PIK3R4: variants seen among roughly 807,000 people sequenced by gnomAD.
The protein encoded by PIK3R4 is phosphoinositide-3-kinase regulatory subunit 4, also known as phosphoinositide 3-kinase regulatory subunit 4.
A neutral mutation model predicts 136.5 loss-of-function variants in PIK3R4; 46 were observed. That is an observed-to-expected ratio of 0.34 (90% CI 0.27 to 0.43). The LOEUF (loss-of-function observed/expected upper bound fraction) is 0.43, where lower values mean the gene tolerates loss of function less well. Ranked by LOEUF, PIK3R4 falls within the 20% of genes least tolerant of loss-of-function variation. PIK3R4 has a pLI of 1.00. For synonymous variants in PIK3R4, 557 were observed against 566.7 expected (o/e 0.98, Z 0.24); for missense variants, 1,331 against 1,649.5 (o/e 0.81, Z 3.35).
intron 2 of PIK3R4, among the ~76,000 whole-genome samples, 171 bp from the exon 3 acceptor site, chr3:130,736,173 A>G (rs1199753228): frequency 6.6e-6 from 1 of 152,336 alleles, no homozygotes. Flanking sequence ...GAAAATGTCT[A>G]TTACCCGAAC....
At chr3:130,694,950 T>C (rs887769968) in intron 13 of PIK3R4, among the ~76,000 whole-genome samples, 8 of 152,280 alleles carry the variant, frequency 5.3e-5, no homozygotes, top group Non-Finnish European at 1.0e-4. Context: ...TCATTTTCTA[T>C]TACTAACTGG....
At chr3:130,685,139 G>A (rs1469239916) in intron 15 of PIK3R4, among the ~76,000 whole-genome samples, 1 of 152,134 alleles carries the variant, frequency 6.6e-6, no homozygotes, top group Non-Finnish European at 1.5e-5. Context: ...TAAGAAAGGG[G>A]CAGATGGGAA....
Position 130,680,597 on chromosome 3 carries a change from G to T in PIK3R4, c.3906+16C>A. 7.1e-7 allele frequency: 1 copy of T among 1,400,238 alleles called. No individual in the cohort carries two copies. Among genetic ancestry groups the T allele is most frequent in the East Asian group, 2.3e-5 (1 of 43,636 alleles). 86.7% of individuals were successfully genotyped at this position (1,400,238 alleles called of 1,614,324 possible). A position where few individuals can be genotyped will look rare whatever the true frequency, so the allele number is the denominator to read the frequency against. On this transcript the variant is annotated intron_variant, in intron 19 of 19. Transcript: ENST00000356763. ...TGTGCTTACAAAAGGTGAAAGGAAT[G>T]AAAAGACTACAGTACCTGGACAACT...
chr3:130,698,945 TTTTG>T (rs1221107638), intron 13 of PIK3R4, among the ~76,000 whole-genome samples: 1 of 152,112 alleles, frequency 6.6e-6, no homozygotes, highest in African/African-American at 2.4e-5. Context: ...TAAGTGAGGG[TTTTG>T]TTTGTGTTGT....
chr3:130,690,383 T>C (rs998673071), intron 14 of PIK3R4, 107 bp downstream of exon 14: 2 of 502,854 alleles, frequency 4.0e-6, no homozygotes, highest in Non-Finnish European at 6.9e-6. Context: ...AGAAGTGCAA[T>C]GTAAGAGGCC....
chr3:130,723,099 T>TAAAAAAAAAAAAAAAAAAA (rs1559827922), intron 7 of PIK3R4, among the ~76,000 whole-genome samples: 1 of 84,842 alleles, frequency 1.2e-5, no homozygotes, highest in Non-Finnish European at 2.3e-5. Context: ...AAAAAAAAAT[T>TAAAAAAAAAAAAAAAAAAA]AAAAATAAAA....
intron 19 of PIK3R4, among the ~76,000 whole-genome samples, chr3:130,680,113 A>G (rs1283611415): frequency 6.6e-6 from 1 of 152,066 alleles, no homozygotes; most frequent in East Asian, 1.9e-4. Flanking sequence ...TAAAAAATAC[A>G]TAGCAGATAT....
chr3:130,713,682 T>C (rs1436625118), intron 9 of PIK3R4, among the ~76,000 whole-genome samples: 1 of 152,140 alleles, frequency 6.6e-6, no homozygotes, highest in Non-Finnish European at 1.5e-5. Context: ...GTTTGTTTTG[T>C]TTTTTCTTGA....
At chr3:130,742,042 T>G (rs753569810) in intron 2 of PIK3R4, among the ~76,000 whole-genome samples, 1 of 152,224 alleles carries the variant, frequency 6.6e-6, no homozygotes, top group Non-Finnish European at 1.5e-5. Context: ...TTACACTGTT[T>G]CACTTAAAGT....
intron 9 of PIK3R4, among the ~76,000 whole-genome samples, chr3:130,713,884 G>A (rs1403798790): frequency 6.6e-6 from 1 of 152,172 alleles, no homozygotes; most frequent in Non-Finnish European, 1.5e-5. Flanking sequence ...ATGTCAGCTA[G>A]GCTGGTCTCA....
intron 11 of PIK3R4, 121 bp downstream of exon 11, chr3:130,706,827 C>A: frequency 1.7e-6 from 1 of 593,818 alleles, no homozygotes; most frequent in Non-Finnish European, 2.7e-6. Context: ...GAAATATGAC[C>A]TCCCTAAAAG....
intron 15 of PIK3R4, among the ~76,000 whole-genome samples, 163 bp downstream of exon 15, chr3:130,686,048 G>GA (rs199827226): frequency 2.0e-3 from 228 of 113,970 alleles, no homozygotes; most frequent in South Asian, 5.9e-3. Flanking sequence ...GTTTTTTAAT[G>GA]AAAAAAAAAT....
chr3:130,682,134 G>T (rs2066462729), intron 16 of PIK3R4, among the ~76,000 whole-genome samples: 1 of 152,106 alleles, frequency 6.6e-6, no homozygotes, highest in Admixed American at 6.5e-5. Context: ...CCTGTGAATG[G>T]TACCTTATGT....
At chr3:130,739,844 A>T (rs2066810685) in intron 2 of PIK3R4, among the ~76,000 whole-genome samples, 1 of 152,238 alleles carries the variant, frequency 6.6e-6, no homozygotes, top group South Asian at 2.1e-4. Flanking sequence ...ATCCATCACC[A>T]TCTATGCAGT....
chr3:130,686,607 T>C (rs578080781), intron 14 of PIK3R4, among the ~76,000 whole-genome samples, 185 bp from the exon 15 acceptor site: 4 of 152,016 alleles, frequency 2.6e-5, no homozygotes, highest in East Asian at 1.9e-4. Context: ...AATAGTAGAG[T>C]TGCTGTATAT....
At chr3:130,700,432 G>T (rs1367623772) in intron 13 of PIK3R4, among the ~76,000 whole-genome samples, 4 of 152,148 alleles carry the variant, frequency 2.6e-5, no homozygotes, top group African/African-American at 4.8e-5. Context: ...GGTAGCACAA[G>T]AAGAAAACAT....
At chr3:130,681,253 T>C (rs1050098065) in intron 17 of PIK3R4, among the ~76,000 whole-genome samples, 188 bp from the exon 18 acceptor site, 3 of 152,228 alleles carry the variant, frequency 2.0e-5, no homozygotes, top group African/African-American at 7.2e-5. Context: ...CTAGATCTTA[T>C]TGGGGTTCCA....
At chr3:130,704,342 T>C (rs2066595479) in intron 12 of PIK3R4, among the ~76,000 whole-genome samples, 1 of 152,210 alleles carries the variant, frequency 6.6e-6, no homozygotes, top group Non-Finnish European at 1.5e-5. Context: ...GTTTTTAAAG[T>C]TGTGCTGGTA....
chr3:130,704,625 A>G (rs2107607519), intron 12 of PIK3R4, among the ~76,000 whole-genome samples: 1 of 152,256 alleles, frequency 6.6e-6, no homozygotes, highest in Middle Eastern at 3.4e-3. Flanking sequence ...TTTTAAACCT[A>G]CAAATCTAGT....
Sources: gnomAD v4.1 joint callset for allele counts (sites outside exome capture counted in the v4.1 genomes callset) on GRCh38, gnomAD v4.1.1 for gene constraint, MANE v1.5 for transcripts, NCBI Gene and HGNC (gene_info 2026-07-23, HGNC 2026-07-21) for gene names.